Variants in RFC3 observed in about 807,000 individuals in gnomAD.
RFC3 encodes A1 38 kDa subunit.
A neutral mutation model predicts 45.1 loss-of-function variants in RFC3; 41 were observed. That is an observed-to-expected ratio of 0.91 (90% confidence interval 0.71 to 1.18). The LOEUF is 1.18. Ranked by LOEUF, RFC3 falls within the 50% of genes most tolerant of loss-of-function variation. The probability of loss-of-function intolerance (pLI) is 0.00; values close to 1 mark genes in which losing one functional copy is unlikely to be tolerated. For synonymous variants in RFC3, 149 were observed against 144.0 expected (o/e 1.03, Z -0.25); for missense variants, 423 against 428.1 (o/e 0.99, Z 0.10).
intron 1 of RFC3, among the ~76,000 whole-genome samples, chr13:33,819,466 C>G (rs1475319349): frequency 6.6e-6 from 1 of 152,094 alleles, no homozygotes; most frequent in Admixed American, 6.5e-5. Context: ...TTTACAGATA[C>G]TATTTAATTA....
At chr13:33,825,619 A>T (rs1328641197) in intron 3 of RFC3, among the ~76,000 whole-genome samples, 170 bp from the exon 4 acceptor site, 1 of 152,146 alleles carries the variant, frequency 6.6e-6, no homozygotes, top group African/African-American at 2.4e-5. Flanking sequence ...CAATTGGAAT[A>T]TTGTTAGTAT....
At chr13:33,855,502 T>C (rs1855792312) in intron 8 of RFC3, among the ~76,000 whole-genome samples, 1 of 152,192 alleles carries the variant, frequency 6.6e-6, no homozygotes, top group South Asian at 2.1e-4. Flanking sequence ...AGTAATGGGA[T>C]TGCTTGGTGG....
chr13:33,830,948 C>A, intron 6 of RFC3, 93 bp downstream of exon 6: 1 of 1,041,484 alleles, frequency 9.6e-7, no homozygotes, highest in Non-Finnish European at 1.4e-6. Context: ...TTTCCATGGA[C>A]TGGGCAGGGG....
chr13:33,976,494 G>A, the RFC3 span, among the ~76,000 whole-genome samples: 40 of 152,202 alleles, frequency 2.6e-4, no homozygotes, highest in South Asian at 8.3e-3. Flanking sequence ...ACAAATTCTA[G>A]TATTAGTAGA....
At chr13:33,888,721 T>C (rs2082543506) in intron 8 of RFC3, among the ~76,000 whole-genome samples, 1 of 151,952 alleles carries the variant, frequency 6.6e-6, no homozygotes, top group South Asian at 2.1e-4. Context: ...CATTCATTGA[T>C]AGCAAATATT....
chr13:33,958,246 C>T (rs900419832), intron 8 of RFC3, among the ~76,000 whole-genome samples: 1 of 152,132 alleles, frequency 6.6e-6, no homozygotes, highest in Admixed American at 6.5e-5. Flanking sequence ...GTAAAAGAAA[C>T]GTCAAGTACA....
chr13:33,932,840 A>T (rs550527348), intron 8 of RFC3, among the ~76,000 whole-genome samples: 12 of 152,280 alleles, frequency 7.9e-5, no homozygotes, highest in Non-Finnish European at 1.5e-4. Flanking sequence ...TCTGAGCAAT[A>T]TTCCTGACAT....
intron 8 of RFC3, among the ~76,000 whole-genome samples, chr13:33,893,965 A>C (rs9971971): frequency 0.12 from 18,166 of 152,084 alleles, 2,085 homozygotes; most frequent in African/African-American, 0.3. Context: ...TGAAAGGAAA[A>C]AAACAAACAA....
chr13:33,875,077 T>C (rs781408862), intron 8 of RFC3, among the ~76,000 whole-genome samples: 19 of 152,356 alleles, frequency 1.2e-4, no homozygotes, highest in Admixed American at 2.0e-4. Context: ...CTCCATACAC[T>C]TAGATCTTTT....
intron 8 of RFC3, among the ~76,000 whole-genome samples, chr13:33,934,446 A>G (rs914538803): frequency 6.6e-6 from 1 of 152,148 alleles, no homozygotes; most frequent in African/African-American, 2.4e-5. Flanking sequence ...AAAAAGAGAA[A>G]TGCTTAGAGG....
chr13:33,886,960 G>A (rs1364676438), intron 8 of RFC3, among the ~76,000 whole-genome samples: 4 of 148,174 alleles, frequency 2.7e-5, no homozygotes, highest in African/African-American at 1.0e-4. Context: ...CAAAGGACAT[G>A]AACTCATCAT....
chr13:33,923,679 C>T (rs2082783943), intron 8 of RFC3, among the ~76,000 whole-genome samples: 1 of 152,080 alleles, frequency 6.6e-6, no homozygotes, highest in Non-Finnish European at 1.5e-5. Context: ...GGAGGTGAGG[C>T]AGGCTGATGC....
intron 8 of RFC3, among the ~76,000 whole-genome samples, chr13:33,940,540 TG>T (rs2082916523): frequency 6.6e-6 from 1 of 152,220 alleles, no homozygotes; most frequent in African/African-American, 2.4e-5. Context: ...ATACCAAGTG[TG>T]TCAAGTATGT....
At chr13:33,858,780 G>GAGA (rs1218483492) in intron 8 of RFC3, among the ~76,000 whole-genome samples, 2 of 152,176 alleles carry the variant, frequency 1.3e-5, no homozygotes, top group African/African-American at 4.8e-5. Context: ...ATGGAAAAAT[G>GAGA]AGATATTTAT....
intron 8 of RFC3, among the ~76,000 whole-genome samples, chr13:33,939,192 A>G (rs980288308): frequency 6.6e-6 from 1 of 152,202 alleles, no homozygotes; most frequent in Non-Finnish European, 1.5e-5. Context: ...GGTTAATCAC[A>G]TATTTTGATG....
intron 8 of RFC3, among the ~76,000 whole-genome samples, chr13:33,955,855 G>T (rs1326896625): frequency 6.6e-6 from 1 of 152,172 alleles, no homozygotes; most frequent in Non-Finnish European, 1.5e-5. Flanking sequence ...TGCAGGCCAC[G>T]TGCAGGAGAA....
chr13:33,854,966 T>TA (rs2082299491), intron 8 of RFC3, among the ~76,000 whole-genome samples: 1 of 151,622 alleles, frequency 6.6e-6, no homozygotes, highest in Non-Finnish European at 1.5e-5. Flanking sequence ...TTCCCCATAA[T>TA]GCTCTAATCA....
At chr13:33,966,207 G>T in exon 9 of RFC3, 3 of 1,038,558 alleles carry the variant, frequency 2.9e-6, no homozygotes, top group East Asian at 2.4e-5. Context: ...AATCCACTTT[G>T]CTCTGAATGT....
chr13:33,942,420 G>T (rs1304091280), intron 8 of RFC3, among the ~76,000 whole-genome samples: 1 of 152,092 alleles, frequency 6.6e-6, no homozygotes, highest in Non-Finnish European at 1.5e-5. Context: ...TCAAATCAGG[G>T]TAATTGGGGT....
Sources: allele counts gnomAD v4.1 joint callset (sites outside exome capture counted in the v4.1 genomes callset), GRCh38; gene constraint gnomAD v4.1.1; transcripts MANE v1.5; gene names NCBI Gene and HGNC (gene_info 2026-07-23, HGNC 2026-07-21).